Variants in GRIK1 observed in about 807,000 individuals in gnomAD.
The protein encoded by GRIK1 is glutamate ionotropic receptor kainate type subunit 1, also known as glutamate receptor ionotropic, kainate 1.
Under a neutral mutation model 105.7 loss-of-function variants are expected in GRIK1, and 69 were observed. The observed-to-expected ratio is 0.65, with a 90% CI of 0.54 to 0.80. The LOEUF (loss-of-function observed/expected upper bound fraction) is 0.80. GRIK1 is among the 30% of genes least tolerant of loss of function. GRIK1 has a pLI of 0.00. For missense variants in GRIK1, 1,109 were observed against 1,167.3 expected (o/e 0.95, Z 0.73); for synonymous variants, 438 against 431.3 (o/e 1.02, Z -0.19).
At chr21:29,567,460 T>C (rs2090636698) in intron 14 of GRIK1, among the ~76,000 whole-genome samples, 1 of 152,210 alleles carries the variant, frequency 6.6e-6, no homozygotes, top group Non-Finnish European at 1.5e-5. Flanking sequence ...ATATGGCTGA[T>C]GATTTTATAT....
At chr21:29,642,377 A>C (rs1184249565) in intron 7 of GRIK1, among the ~76,000 whole-genome samples, 2 of 152,230 alleles carry the variant, frequency 1.3e-5, no homozygotes, top group African/African-American at 4.8e-5. Flanking sequence ...TAGTCACTAT[A>C]TAATTAAAGA....
chr21:29,630,830 C>G (rs561103749), intron 7 of GRIK1: 6 of 350,176 alleles, frequency 1.7e-5, no homozygotes, highest in Admixed American at 3.9e-5. Context: ...CTCTTGTTCT[C>G]TCTCTGTCAC....
chr21:29,797,301 G>T (rs2066586337), intron 1 of GRIK1, among the ~76,000 whole-genome samples: 1 of 152,238 alleles, frequency 6.6e-6, no homozygotes, highest in Non-Finnish European at 1.5e-5. Context: ...TCAGTGGCCA[G>T]AGAATAATTG....
intron 1 of GRIK1, among the ~76,000 whole-genome samples, chr21:29,884,833 T>C (rs942834257): frequency 6.6e-6 from 1 of 152,016 alleles, no homozygotes; most frequent in Non-Finnish European, 1.5e-5. Context: ...AAAGTTATGA[T>C]TACTTAATTG....
At chr21:29,829,589 A>T (rs572297338) in intron 1 of GRIK1, among the ~76,000 whole-genome samples, 4 of 152,260 alleles carry the variant, frequency 2.6e-5, no homozygotes, top group African/African-American at 9.6e-5. Context: ...ACTCAGTATC[A>T]TTTCCCTCAT....
At chr21:29,625,935 T>C (rs56273443) in intron 7 of GRIK1, among the ~76,000 whole-genome samples, 34,338 of 151,968 alleles carry the variant, frequency 0.23, 5,557 homozygotes, top group African/African-American at 0.46. Context: ...CCCCCAAATT[T>C]GTATGTTGAA....
intron 3 of GRIK1, among the ~76,000 whole-genome samples, chr21:29,689,502 G>T (rs76584047): frequency 6.6e-5 from 10 of 152,022 alleles, no homozygotes; most frequent in Non-Finnish European, 1.2e-4. Flanking sequence ...TTAAAAAAAA[G>T]TTCCCATATA....
chr21:29,824,068 G>A (rs1302115506), intron 1 of GRIK1, among the ~76,000 whole-genome samples: 1 of 151,904 alleles, frequency 6.6e-6, no homozygotes, highest in Non-Finnish European at 1.5e-5. Flanking sequence ...TTTCTCTGGT[G>A]AGGGGTGGTG....
chr21:29,651,239 G>A lies in GRIK1; in HGVS notation c.833C>T (p.Thr278Ile). The A allele has an allele frequency of 6.2e-7, 1 of 1,613,548 alleles. No homozygotes were observed. Among genetic ancestry groups the A allele is most frequent in the Non-Finnish European group, 8.5e-7 (1 of 1,179,468 alleles). The change falls in exon 6 of 18, where the codon ACC becomes ATC. Residue 278 changes from threonine to isoleucine, a missense_variant. Thr to Ile is a moderately conservative substitution (Grantham distance 89). Coordinates refer to ENST00000327783, the MANE Select transcript of GRIK1 (RefSeq NM_001330994.2). ...GTCAATGTTAAGCAGCCGAAACCCG[G>A]TCATGTTTACGCCACTGTACCTATA... ...ELYRYSGVNM[T>I]GFRLLNIDNP...
chr21:29,929,360 C>T (rs1328778220), intron 1 of GRIK1, among the ~76,000 whole-genome samples: 2 of 152,162 alleles, frequency 1.3e-5, no homozygotes, highest in African/African-American at 4.8e-5. Context: ...GGACAAAACA[C>T]ATTAATGGGA....
intron 1 of GRIK1, among the ~76,000 whole-genome samples, chr21:29,702,352 ATCAATCTGGATCT>A (rs1199830408): frequency 1.3e-5 from 2 of 152,142 alleles, no homozygotes; most frequent in Non-Finnish European, 2.9e-5. Context: ...AGTTAGATAT[ATCAATCTGGATCT>A]TATGGCAGAG....
chr21:29,633,523 A>G (rs1162285589), intron 7 of GRIK1, among the ~76,000 whole-genome samples: 2 of 151,812 alleles, frequency 1.3e-5, no homozygotes, highest in Admixed American at 1.3e-4. Context: ...AAAAATAAAT[A>G]AATAAATAAA....
In GRIK1 at chr21:29,933,350, TG is replaced by T. The variant is rs557696966; in HGVS notation, c.118+6032del. On this transcript the variant is annotated intron_variant, in intron 1 of 17. Coordinates refer to ENST00000327783, the MANE Select transcript of GRIK1 (RefSeq NM_001330994.2). Reference sequence around the variant, plus strand: ...TTGCAGTGGTGTTACTGGCCCATGTTGCCTCAAGTGTGCTCTGGGGAGCATG... The same window carrying T: ...TTGCAGTGGTGTTACTGGCCCATGTTCCTCAAGTGTGCTCTGGGGAGCATG... 1.8e-3 allele frequency among the ~76,000 whole-genome samples: 274 copies of T among 152,314 alleles called. 1 individual carries two copies. The highest frequency in any genetic ancestry group is 3.4e-3 in the Middle Eastern group (1 of 294).
chr21:29,537,385 A>G lies in GRIK1; in HGVS notation c.2695T>C (p.Cys899Arg), dbSNP rs1354700678. ...RKKQSLGVEK[C>R]LSFNAIMEEL... is the part of the protein sequence containing the mutation. Reference sequence around the variant, plus strand: ...TCCATGATAGCGTTGAAAGAGAGACACTAGGGAACATGAGATACAGACCAT... The same window carrying G: ...TCCATGATAGCGTTGAAAGAGAGACGCTAGGGAACATGAGATACAGACCAT... Residue 899 changes from cysteine to arginine, a missense_variant and splice_region_variant, in exon 18 of 18, where the codon TGT (cysteine) becomes CGT (arginine). Transcript: ENST00000327783. 3 of 1,607,558 alleles carry G rather than the reference A, an allele frequency of 1.9e-6. No individual in the cohort carries two copies. Among genetic ancestry groups the G allele is most frequent in the East Asian group, 4.5e-5 (2 of 44,758 alleles).
At chr21:29,668,899 T>C (rs1043889653) in intron 4 of GRIK1, among the ~76,000 whole-genome samples, 2 of 152,128 alleles carry the variant, frequency 1.3e-5, no homozygotes, top group African/African-American at 2.4e-5. Context: ...GGTTTCCACA[T>C]TGAAGGCAGG....
At chr21:29,699,184 A>T (rs1234052813) in intron 1 of GRIK1, among the ~76,000 whole-genome samples, 1 of 152,210 alleles carries the variant, frequency 6.6e-6, no homozygotes, top group Non-Finnish European at 1.5e-5. Flanking sequence ...CTCAGAAGCG[A>T]CTTGCTTTCT....
chr21:29,755,182 A>G (rs1403213310), intron 1 of GRIK1, among the ~76,000 whole-genome samples: 1 of 152,218 alleles, frequency 6.6e-6, no homozygotes, highest in Admixed American at 6.5e-5. Flanking sequence ...ACTAGAGGAG[A>G]AAGAAAGTGT....
chr21:29,596,292 G>T, intron 9 of GRIK1: 1 of 655,058 alleles, frequency 1.5e-6, no homozygotes. Context: ...ATAATCTTGG[G>T]GGAAATATTT....
chr21:29,728,146 C>T (rs961795321), intron 1 of GRIK1, among the ~76,000 whole-genome samples: 3 of 152,190 alleles, frequency 2.0e-5, no homozygotes, highest in Non-Finnish European at 4.4e-5. Context: ...TTCCTTAGCT[C>T]AATCAAGTTG....
Sources: allele counts gnomAD v4.1 joint callset (sites outside exome capture counted in the v4.1 genomes callset), GRCh38; gene constraint gnomAD v4.1.1; transcripts MANE v1.5; gene names NCBI Gene and HGNC (gene_info 2026-07-23, HGNC 2026-07-21).